The following CLIC5 variants were observed in gnomAD, a reference collection of about 807,000 sequenced individuals.
CLIC5 encodes the protein CLIC family member 5.
A neutral mutation model predicts 24.7 loss-of-function variants in CLIC5; 20 were observed. The ratio of observed to expected loss-of-function variants is 0.81; its 90% CI spans 0.57 to 1.18. CLIC5 has a LOEUF of 1.18. Ranked by LOEUF, CLIC5 falls within the 50% of genes most tolerant of loss-of-function variation. CLIC5 has a pLI of 0.00. For missense variants in CLIC5, 341 were observed against 326.1 expected (o/e 1.05, Z -0.35); for synonymous variants, 159 against 135.6 (o/e 1.17, Z -1.20).
At chr6:45,893,367 G>A (rs1762369207) in intron 6 of CLIC5, among the ~76,000 whole-genome samples, 1 of 152,032 alleles carries the variant, frequency 6.6e-6, no homozygotes, top group Non-Finnish European at 1.5e-5. Context: ...CATGGTTCCA[G>A]GTGAATGTAA....
intron 1 of CLIC5, among the ~76,000 whole-genome samples, chr6:46,073,449 T>A (rs2127475927): frequency 6.6e-6 from 1 of 152,366 alleles, no homozygotes; most frequent in African/African-American, 2.4e-5. Context: ...CACATCCAGA[T>A]GATCAGTTGA....
At chr6:45,951,943 C>G (rs1221302582) in intron 2 of CLIC5, among the ~76,000 whole-genome samples, 1 of 152,206 alleles carries the variant, frequency 6.6e-6, no homozygotes, top group Non-Finnish European at 1.5e-5. Context: ...ACAACTGAGA[C>G]GGAAAGTATT....
chr6:46,077,987 T>C (rs1228800813), intron 1 of CLIC5, among the ~76,000 whole-genome samples: 1 of 151,986 alleles, frequency 6.6e-6, no homozygotes, highest in East Asian at 1.9e-4. Context: ...ATGATCATGG[T>C]GATGACCCAC....
intron 6 of CLIC5, among the ~76,000 whole-genome samples, chr6:45,890,388 T>C (rs372520882): frequency 2.6e-5 from 4 of 152,160 alleles, no homozygotes; most frequent in South Asian, 2.1e-4. Context: ...ACCTATTAGA[T>C]TGGCTATTAA....
At chr6:45,935,278 G>A (rs1420630894) in intron 4 of CLIC5, among the ~76,000 whole-genome samples, 1 of 152,218 alleles carries the variant, frequency 6.6e-6, no homozygotes, top group Non-Finnish European at 1.5e-5. Context: ...CCAAAGGGGT[G>A]TTCCAGTGGC....
intron 3 of CLIC5, among the ~76,000 whole-genome samples, chr6:45,943,374 C>T (rs1240896590): frequency 6.6e-6 from 1 of 152,234 alleles, no homozygotes; most frequent in Non-Finnish European, 1.5e-5. Flanking sequence ...ATGCTCCACA[C>T]ACATGTCTTC....
intron 1 of CLIC5, among the ~76,000 whole-genome samples, chr6:45,974,522 T>TATATATAG (rs1339415709): frequency 3.0e-5 from 2 of 66,002 alleles, no homozygotes; most frequent in Non-Finnish European, 5.5e-5. Context: ...TATATATATA[T>TATATATAG]AGAGAGAGAG....
the CLIC5 span, among the ~76,000 whole-genome samples, chr6:46,117,339 C>T: frequency 6.6e-6 from 1 of 152,154 alleles, no homozygotes. Context: ...TTTACTAGAT[C>T]CAAATCTTCA....
chr6:46,093,487 G>A, the CLIC5 span, among the ~76,000 whole-genome samples: 1 of 152,040 alleles, frequency 6.6e-6, no homozygotes, highest in African/African-American at 2.4e-5. Context: ...GGAAAGTCCT[G>A]GTATATTTTG....
intron 1 of CLIC5, among the ~76,000 whole-genome samples, chr6:46,060,890 T>C (rs950534044): frequency 6.6e-6 from 1 of 152,210 alleles, no homozygotes; most frequent in East Asian, 1.9e-4. Context: ...GTCCTTCATG[T>C]TGTGAATCCT....
chr6:45,998,608 G>C lies in CLIC5; in HGVS notation c.63+16872C>G, dbSNP rs995530929. Among the ~76,000 whole-genome samples, 4 of 152,286 alleles carry C rather than the reference G, an allele frequency of 2.6e-5. No individual in the cohort carries two copies. In the South Asian group the frequency reaches 8.3e-4, roughly 32 times the overall value. On this transcript the variant is annotated intron_variant, in intron 1 of 5. Coordinates refer to ENST00000339561, the MANE Select transcript of CLIC5 (RefSeq NM_016929.5). ...ATATTAATAACCTGGATTCACATCA[G>C]AATGTTCTCCAAGTAATTCAGAATG...
intron 1 of CLIC5, among the ~76,000 whole-genome samples, chr6:46,043,944 T>C (rs968222397): frequency 1.3e-5 from 2 of 152,264 alleles, no homozygotes; most frequent in Admixed American, 6.5e-5. Flanking sequence ...GTCAGCCTGC[T>C]GTGTGCAATG....
the CLIC5 span, among the ~76,000 whole-genome samples, chr6:46,111,444 CT>C: frequency 6.6e-6 from 1 of 152,198 alleles, no homozygotes; most frequent in African/African-American, 2.4e-5. Flanking sequence ...AGAAATACCT[CT>C]TACTAAAGAT....
intron 4 of CLIC5, among the ~76,000 whole-genome samples, chr6:45,917,908 C>T (rs1484776026): frequency 2.6e-5 from 4 of 152,176 alleles, no homozygotes; most frequent in African/African-American, 4.8e-5. Flanking sequence ...TATTTGATAT[C>T]CTCACTCCAC....
chr6:45,989,666 A>T (rs1449944802), intron 1 of CLIC5, among the ~76,000 whole-genome samples: 1 of 152,230 alleles, frequency 6.6e-6, no homozygotes, highest in African/African-American at 2.4e-5. Flanking sequence ...TTTTGTAAAT[A>T]GGGAATATTA....
chr6:45,962,721 A>C (rs1764892191), intron 1 of CLIC5, among the ~76,000 whole-genome samples: 2 of 152,146 alleles, frequency 1.3e-5, no homozygotes, highest in African/African-American at 4.8e-5. Context: ...TCCCAAAAGA[A>C]CTTGTAGGCT....
Position 46,039,493 on chromosome 6 carries a change from T to C in CLIC5, c.540+40210A>G, listed in dbSNP as rs530731578. Among the ~76,000 whole-genome samples the C allele has an allele frequency of 1.1e-4, 16 of 152,158 alleles. No individual in the cohort carries two copies. In the East Asian group the frequency reaches 2.7e-3, roughly 26 times the overall value. ...CATTAGATTCATTCCTCATATTATATATTATAATAAATTTTGGTCAAAGCA... is the reference window on the plus strand; with the variant it reads ...CATTAGATTCATTCCTCATATTATACATTATAATAAATTTTGGTCAAAGCA... On this transcript the variant is annotated intron_variant, in intron 1 of 5. Transcript: ENST00000185206.
chr6:45,904,157 T>C lies in CLIC5; in HGVS notation c.589-902A>G, dbSNP rs9472609. 9.3e-3 allele frequency among the ~76,000 whole-genome samples: 1,424 copies of C among 152,338 alleles called. 20 individuals are homozygous for C. The highest frequency in any genetic ancestry group is 0.033 in the African/African-American group (1,353 of 41,572). On this transcript the variant is annotated intron_variant, in intron 5 of 5. Transcript: ENST00000339561. ...AGCAGCTGTGTGACATTGGGCAGGT[T>C]ACTTAACCTTTCTGAGCTCCAATTT...
chr6:46,112,538 C>T, the CLIC5 span, among the ~76,000 whole-genome samples: 10 of 152,176 alleles, frequency 6.6e-5, no homozygotes, highest in Admixed American at 5.2e-4. Context: ...TTGCCCCCCA[C>T]GTGCATGTTA....
Sources: allele counts gnomAD v4.1 joint callset (sites outside exome capture counted in the v4.1 genomes callset), GRCh38; gene constraint gnomAD v4.1.1; transcripts MANE v1.5; gene names NCBI Gene and HGNC (gene_info 2026-07-23, HGNC 2026-07-21).